Variants in TSPAN15 observed in about 807,000 individuals in gnomAD.
The protein encoded by TSPAN15 is tetraspanin-15.
TSPAN15 carries 20 observed loss-of-function variants against 34.5 expected under a neutral mutation model. The ratio of observed to expected loss-of-function variants is 0.58; its 90% CI spans 0.41 to 0.84. The LOEUF (loss-of-function observed/expected upper bound fraction) is 0.84. TSPAN15 is among the 40% of genes least tolerant of loss of function. The pLI is 0.00. For synonymous variants in TSPAN15, 155 were observed against 153.9 expected (o/e 1.01, Z -0.05); for missense variants, 313 against 386.1 (o/e 0.81, Z 1.59).
At chr10:69,515,364 G>A in the TSPAN15 span, among the ~76,000 whole-genome samples, 1 of 152,150 alleles carries the variant, frequency 6.6e-6, no homozygotes. Context: ...GGTCGCCAGG[G>A]CTGACTCAGT....
At chr10:69,536,487 G>T in the TSPAN15 span, among the ~76,000 whole-genome samples, 3 of 152,220 alleles carry the variant, frequency 2.0e-5, no homozygotes, top group East Asian at 5.8e-4. Flanking sequence ...CGTCTGCTAG[G>T]GCTGCCATTA....
At chr10:69,546,404 A>T in the TSPAN15 span, among the ~76,000 whole-genome samples, 1 of 152,172 alleles carries the variant, frequency 6.6e-6, no homozygotes, top group African/African-American at 2.4e-5. Context: ...CTCTTCCCTG[A>T]TGACTCCCAA....
chr10:69,525,615 G>A, the TSPAN15 span, among the ~76,000 whole-genome samples: 1 of 147,392 alleles, frequency 6.8e-6, no homozygotes, highest in African/African-American at 2.5e-5. Flanking sequence ...GAGGTCAGGA[G>A]TTCGAGACCA....
intron 1 of TSPAN15, among the ~76,000 whole-genome samples, chr10:69,459,119 AAAAAAAC>A (rs746262856): frequency 0.014 from 1,300 of 93,796 alleles, 19 homozygotes; most frequent in African/African-American, 0.042. Flanking sequence ...AAAAAAAAAA[AAAAAAAC>A]AACAACAAAA....
intron 1 of TSPAN15, among the ~76,000 whole-genome samples, chr10:69,461,916 C>A (rs1187979944): frequency 2.7e-5 from 4 of 150,676 alleles, no homozygotes; most frequent in East Asian, 2.0e-4. Flanking sequence ...CCACCACCCC[C>A]CCGCCACCAC....
chr10:69,506,888 G>A lies in TSPAN15; in HGVS notation c.795G>A (p.Glu265=), dbSNP rs1371610893. The A allele has an allele frequency of 6.2e-7, 1 of 1,606,128 alleles. No individual in the cohort carries two copies. The highest frequency in any genetic ancestry group is 1.7e-5 in the Admixed American group (1 of 58,754). ...CCCGGGTGGAGGACATCATCATGGAGCACTCTGTCACTGATGGGCTCCTGG... is the reference window on the plus strand; with the variant it reads ...CCCGGGTGGAGGACATCATCATGGAACACTCTGTCACTGATGGGCTCCTGG... ...YITRVEDIIM[E]HSVTDGLLGP... Residue 265 remains glutamate, a synonymous_variant, in exon 8 of 8, where the codon GAG becomes GAA. Coordinates refer to ENST00000373290, the MANE Select transcript of TSPAN15 (RefSeq NM_012339.5). The surrounding 1 kb of genome is among the most constrained non-coding windows in gnomAD (Gnocchi z 4.7).
intron 1 of TSPAN15, among the ~76,000 whole-genome samples, chr10:69,483,293 G>C (rs117304484): frequency 0.014 from 2,198 of 152,190 alleles, 27 homozygotes; most frequent in Non-Finnish European, 0.023. Context: ...CGGCCTGCAG[G>C]GTTGATTTCT....
In TSPAN15 at chr10:69,451,485, C is replaced by A; in HGVS notation, c.-110C>A. On this transcript the variant is annotated 5_prime_UTR_variant, in exon 1 of 8. Transcript: ENST00000373290. ...CCAGTGTCAGTCCCGGAGAGAACGCCGGTGGCGGGGCTGGTAGCCCGGCAG... is the reference window on the plus strand; with the variant it reads ...CCAGTGTCAGTCCCGGAGAGAACGCAGGTGGCGGGGCTGGTAGCCCGGCAG... The A allele has an allele frequency of 7.8e-7, 1 of 1,284,964 alleles. No homozygotes were observed. The highest frequency in any genetic ancestry group is 9.8e-7 in the Non-Finnish European group (1 of 1,015,260). 79.6% of individuals were successfully genotyped at this position (1,284,964 alleles called of 1,614,324 possible).
the TSPAN15 span, among the ~76,000 whole-genome samples, chr10:69,534,752 G>GT: frequency 6.6e-6 from 1 of 151,586 alleles, no homozygotes; most frequent in East Asian, 1.9e-4. Context: ...GGAGGCTGAG[G>GT]TGGGAGGATT....
chr10:69,495,729 C>T (rs773499234), intron 4 of TSPAN15, 40 bp downstream of exon 4: 16 of 1,398,588 alleles, frequency 1.1e-5, no homozygotes, highest in Non-Finnish European at 1.5e-5. Flanking sequence ...GCCTCCCGTG[C>T]TCTTAGCCCC....
the TSPAN15 span, among the ~76,000 whole-genome samples, chr10:69,535,649 G>C: frequency 1.3e-5 from 2 of 152,266 alleles, no homozygotes; most frequent in East Asian, 3.9e-4. Context: ...AGTGTCTAGG[G>C]CCAGCTTTCT....
At chr10:69,485,002 G>C in intron 2 of TSPAN15, 139 bp from the exon 3 acceptor site, 2 of 775,182 alleles carry the variant, frequency 2.6e-6, no homozygotes, top group South Asian at 1.6e-5. Context: ...GGAGGAGGGG[G>C]CAGAGGCCTA....
chr10:69,474,704 A>G (rs1388777921), intron 1 of TSPAN15, among the ~76,000 whole-genome samples: 5 of 151,662 alleles, frequency 3.3e-5, no homozygotes, highest in African/African-American at 1.2e-4. Flanking sequence ...AGCAAGCCCC[A>G]CTCCAGCCCA....
At chr10:69,495,545 C>G (rs1056506796) in intron 3 of TSPAN15, 49 bp from the exon 4 acceptor site, 5 of 1,427,950 alleles carry the variant, frequency 3.5e-6, no homozygotes, top group Admixed American at 1.7e-5. Context: ...TTGGGTTGGA[C>G]TCCGGGAGTG....
chr10:69,499,454 G>C (rs1842156095), intron 5 of TSPAN15, among the ~76,000 whole-genome samples: 2 of 152,236 alleles, frequency 1.3e-5, no homozygotes, highest in African/African-American at 4.8e-5. Context: ...AGAGAGGCCT[G>C]CGTGGGGTGA....
At chr10:69,483,574 G>A (rs1841784100) in intron 1 of TSPAN15, 117 bp from the exon 2 acceptor site, 4 of 1,157,908 alleles carry the variant, frequency 3.5e-6, no homozygotes, top group Non-Finnish European at 4.8e-6. Context: ...GGCCCTTTCT[G>A]TGCTGTAACC....
the TSPAN15 span, among the ~76,000 whole-genome samples, chr10:69,514,220 C>T: frequency 6.6e-6 from 1 of 152,208 alleles, no homozygotes; most frequent in Non-Finnish European, 1.5e-5. Flanking sequence ...CTGGAATAAG[C>T]CCCATTCAGT....
At chr10:69,451,792 G>T in intron 1 of TSPAN15, 102 bp downstream of exon 1, 1 of 945,178 alleles carries the variant, frequency 1.1e-6, no homozygotes, top group Non-Finnish European at 1.4e-6. Context: ...GCTCCAGGGA[G>T]TGCGCGGGTG....
At chr10:69,488,105 T>C (rs1841892607) in intron 3 of TSPAN15, among the ~76,000 whole-genome samples, 1 of 152,244 alleles carries the variant, frequency 6.6e-6, no homozygotes, top group African/African-American at 2.4e-5. Context: ...TATGAACTCA[T>C]ATTTCCTCTG....
Sources: allele counts gnomAD v4.1 joint callset (sites outside exome capture counted in the v4.1 genomes callset), GRCh38; gene constraint gnomAD v4.1.1; non-coding constraint Gnocchi (gnomAD v3.1); transcripts MANE v1.5; gene names NCBI Gene and HGNC (gene_info 2026-07-23, HGNC 2026-07-21).